RBMS3: variants seen among roughly 807,000 people sequenced by gnomAD.
RBMS3 encodes RNA binding motif single stranded interacting protein 3, also known as RNA-binding motif, single-stranded-interacting protein 3.
In RBMS3, 27 loss-of-function variants were observed where a neutral mutation model predicts 66.8. The observed-to-expected ratio is 0.40, with a 90% CI of 0.30 to 0.56. The LOEUF is 0.56. Ranked by LOEUF, RBMS3 falls within the 20% of genes least tolerant of loss-of-function variation. RBMS3 has a pLI of 0.40. For synonymous variants in RBMS3, 188 were observed against 183.0 expected (o/e 1.03, Z -0.22); for missense variants, 513 against 549.5 (o/e 0.93, Z 0.66).
chr3:29,823,774 T>C (rs1478967116), intron 6 of RBMS3, among the ~76,000 whole-genome samples: 1 of 152,194 alleles, frequency 6.6e-6, no homozygotes, highest in East Asian at 1.9e-4. Flanking sequence ...TATTTGAGAA[T>C]AGTTATTTTA....
chr3:29,514,953 A>T (rs2044566019), intron 3 of RBMS3, among the ~76,000 whole-genome samples: 1 of 152,082 alleles, frequency 6.6e-6, no homozygotes, highest in Admixed American at 6.6e-5. Context: ...GGTAGATGTC[A>T]ACGTTACCAG....
At chr3:29,840,523 T>G (rs1265271657) in intron 6 of RBMS3, among the ~76,000 whole-genome samples, 1 of 152,028 alleles carries the variant, frequency 6.6e-6, no homozygotes, top group Non-Finnish European at 1.5e-5. Context: ...TAAAAGAACT[T>G]CATTCTACCT....
intron 4 of RBMS3, among the ~76,000 whole-genome samples, chr3:29,735,552 C>T (rs2054340899): frequency 6.6e-6 from 1 of 152,132 alleles, no homozygotes; most frequent in Non-Finnish European, 1.5e-5. Flanking sequence ...ATCTAATATA[C>T]ACTGCAAAAT....
chr3:29,290,710 T>C (rs1329291957), intron 1 of RBMS3: 1 of 151,860 alleles, frequency 6.6e-6, no homozygotes, highest in Non-Finnish European at 1.5e-5. Context: ...ATGTTAGCAA[T>C]GGAAGTTTCT....
chr3:29,876,682 T>C (rs2059616808), intron 7 of RBMS3, among the ~76,000 whole-genome samples: 1 of 152,126 alleles, frequency 6.6e-6, no homozygotes, highest in Non-Finnish European at 1.5e-5. Flanking sequence ...TGACATCTTA[T>C]CTGAGGCTGA....
At chr3:29,326,733 CTTTT>C (rs56162153) in intron 1 of RBMS3, among the ~76,000 whole-genome samples, 1 of 133,794 alleles carries the variant, frequency 7.5e-6, no homozygotes. Flanking sequence ...TACTGGCATC[CTTTT>C]TTTTTTTTTT....
chr3:29,739,649 A>G (rs1446068651), intron 4 of RBMS3, 71 bp from the exon 5 acceptor site: 1 of 1,366,616 alleles, frequency 7.3e-7, no homozygotes, highest in Admixed American at 2.6e-5. Context: ...AGTTTAAACA[A>G]AAGTTTCTCT....
intron 1 of RBMS3, among the ~76,000 whole-genome samples, chr3:29,384,468 T>G (rs2038919131): frequency 2.0e-5 from 2 of 101,816 alleles, no homozygotes; most frequent in Admixed American, 9.4e-5. Context: ...AGAAGAAGAA[T>G]CCAGAAAGAC....
intron 4 of RBMS3, among the ~76,000 whole-genome samples, chr3:29,623,374 C>G (rs2048944535): frequency 1.3e-5 from 2 of 151,842 alleles, no homozygotes; most frequent in South Asian, 4.2e-4. Context: ...AGGCGGTTCA[C>G]AAGGTCAGCA....
At chr3:29,720,658 A>G (rs1309129888) in intron 4 of RBMS3, among the ~76,000 whole-genome samples, 2 of 151,296 alleles carry the variant, frequency 1.3e-5, no homozygotes, top group Non-Finnish European at 2.9e-5. Flanking sequence ...AAGTGTGTGG[A>G]AATAATTTTT....
At chr3:29,746,665 A>G (rs2054908590) in intron 5 of RBMS3, among the ~76,000 whole-genome samples, 1 of 152,148 alleles carries the variant, frequency 6.6e-6, no homozygotes, top group Non-Finnish European at 1.5e-5. Flanking sequence ...AGAGTGATGA[A>G]CATTCTATTT....
chr3:29,767,119 G>A (rs2055963100), intron 6 of RBMS3: 1 of 151,922 alleles, frequency 6.6e-6, no homozygotes, highest in South Asian at 2.1e-4. Flanking sequence ...AAAGCAAAGG[G>A]TTAGTTCCCA....
At chr3:29,945,849 C>G (rs1312349426) in intron 12 of RBMS3, among the ~76,000 whole-genome samples, 2 of 151,588 alleles carry the variant, frequency 1.3e-5, no homozygotes, top group African/African-American at 4.8e-5. Context: ...ACTGAAAGTT[C>G]TAGAGCAGAT....
At position 30,004,135 on chromosome 3, in the gene RBMS3, A is replaced by G; in HGVS notation, c.*273A>G. 3.3e-6 allele frequency: 1 copy of G among 300,712 alleles called. No homozygotes were observed. Among genetic ancestry groups the G allele is most frequent in the East Asian group, 5.3e-5 (1 of 19,032 alleles). The allele number at this position is 300,712 out of a possible 1,614,324, so 18.6% of individuals were successfully genotyped here. A position where few individuals can be genotyped will look rare whatever the true frequency, so the allele number is the denominator to read the frequency against. ...GAGGAAAAAAAAACTACAAAAAACA[A>G]AACATTGAAGGTTGATATTTTATGT... On this transcript the variant is annotated 3_prime_UTR_variant, in exon 15 of 15. Transcript: ENST00000383767.
chr3:29,984,712 C>A (rs1698247612), intron 12 of RBMS3, among the ~76,000 whole-genome samples: 1 of 152,170 alleles, frequency 6.6e-6, no homozygotes, highest in Non-Finnish European at 1.5e-5. Flanking sequence ...CCACTCCAGA[C>A]CCTCTTTGCC....
chr3:29,962,281 G>A (rs1298349565), intron 12 of RBMS3, among the ~76,000 whole-genome samples: 2 of 151,244 alleles, frequency 1.3e-5, no homozygotes, highest in Non-Finnish European at 2.9e-5. Context: ...GGAAGTCCTA[G>A]AAAAAATGAA....
chr3:29,456,188 G>A (rs1052002436), intron 2 of RBMS3, among the ~76,000 whole-genome samples: 1 of 152,102 alleles, frequency 6.6e-6, no homozygotes, highest in African/African-American at 2.4e-5. Context: ...TTTATAAATA[G>A]TAATTAAAAA....
chr3:29,404,232 A>G (rs2039923980), intron 1 of RBMS3, among the ~76,000 whole-genome samples: 1 of 152,118 alleles, frequency 6.6e-6, no homozygotes, highest in Non-Finnish European at 1.5e-5. Context: ...GACTGGTCAC[A>G]GTTTTGAGTG....
At chr3:29,705,842 A>G (rs2052863784) in intron 4 of RBMS3, among the ~76,000 whole-genome samples, 1 of 152,240 alleles carries the variant, frequency 6.6e-6, no homozygotes, top group Admixed American at 6.5e-5. Flanking sequence ...AGGTGGCACT[A>G]AGTCCATACA....
Sources: gnomAD v4.1 joint callset for allele counts (sites outside exome capture counted in the v4.1 genomes callset) on GRCh38, gnomAD v4.1.1 for gene constraint, MANE v1.5 for transcripts, NCBI Gene and HGNC (gene_info 2026-07-23, HGNC 2026-07-21) for gene names.